The following YTHDF2 variants were observed in gnomAD, a reference collection of about 807,000 sequenced individuals.
YTHDF2 encodes YTH domain-containing family protein 2.
YTHDF2 carries 2 observed loss-of-function variants against 50.4 expected under a neutral mutation model. That is an observed-to-expected ratio of 0.04 (90% CI 0.02 to 0.12). The LOEUF (loss-of-function observed/expected upper bound fraction) is 0.12, where lower values mean the gene tolerates loss of function less well. Ranked by LOEUF, YTHDF2 falls within the 10% of genes least tolerant of loss-of-function variation. The pLI is 1.00. For synonymous variants in YTHDF2, 217 were observed against 255.6 expected (o/e 0.85, Z 1.44); for missense variants, 483 against 722.6 (o/e 0.67, Z 3.80).
At chr1:28,767,666 G>T (rs1312529544) in intron 4 of YTHDF2, among the ~76,000 whole-genome samples, 2 of 151,696 alleles carry the variant, frequency 1.3e-5, no homozygotes, top group Admixed American at 1.3e-4. Flanking sequence ...CTACCACCAC[G>T]CCTGGCTAAT....
intron 4 of YTHDF2, among the ~76,000 whole-genome samples, chr1:28,750,677 A>C (rs1236824272): frequency 6.6e-6 from 1 of 152,192 alleles, no homozygotes; most frequent in Non-Finnish European, 1.5e-5. Flanking sequence ...GGATGACAGA[A>C]GGGATTGGTG....
At chr1:28,737,734 T>C in intron 2 of YTHDF2, 52 bp downstream of exon 2, 1 of 1,584,908 alleles carries the variant, frequency 6.3e-7, no homozygotes, top group Non-Finnish European at 8.6e-7. Context: ...CGCGGGGCGG[T>C]GGGGGCGGGG....
chr1:28,750,492 A>G (rs1443942798), intron 4 of YTHDF2, among the ~76,000 whole-genome samples: 1 of 152,226 alleles, frequency 6.6e-6, no homozygotes, highest in East Asian at 1.9e-4. Context: ...GGTAGTCTGG[A>G]CTAGAGAAAC....
rs2087799775 is a variant in YTHDF2, at chr1:28,742,848, A to G, written c.578A>G (p.Lys193Arg). 4 of 1,614,148 alleles carry G rather than the reference A, an allele frequency of 2.5e-6. No homozygotes were observed. Among genetic ancestry groups the G allele is most frequent in the Non-Finnish European group, 3.4e-6 (4 of 1,180,018 alleles). The part of the protein sequence containing the change: ...NTIDQGMAAL[K>R]LGSTEVASNV... ...ATAGACCAAGGGATGGCAGCACTGA[A>G]GTTGGGTAGCACAGAAGTTGCAAGC... The change falls in exon 4 of 5, where the codon AAG becomes AGG. Residue 193 changes from lysine (K) to arginine (R), a missense_variant. Coordinates refer to ENST00000373812, the MANE Select transcript of YTHDF2 (RefSeq NM_016258.3).
At chr1:28,766,370 G>T (rs1243226514) in intron 4 of YTHDF2, among the ~76,000 whole-genome samples, 1 of 152,118 alleles carries the variant, frequency 6.6e-6, no homozygotes, top group African/African-American at 2.4e-5. Context: ...GCCAGCTTCC[G>T]CCTCCCAGAG....
Position 28,743,311 on chromosome 1 carries a change from G to A in YTHDF2, c.1041G>A (p.Gln347=). 2 of 1,614,162 alleles carry A rather than the reference G, an allele frequency of 1.2e-6. No individual in the cohort carries two copies. The highest frequency in any genetic ancestry group is 1.7e-6 in the Non-Finnish European group (2 of 1,180,038). Residue 347 remains glutamine (Q), a synonymous_variant, in exon 4 of 5, where the codon CAG becomes CAA. Transcript: ENST00000373812. This position sits in a 1 kb window ranked among gnomAD's most constrained non-coding sequence, Gnocchi z 6.9. The part of the protein sequence containing the change: ...AQLSVQQQAA[Q]PTRWVAPRNR... ...TTTCAGTCCAGCAACAGGCAGCTCAGCCAACCCGCTGGGTAGCACCTCGGA... is the reference window on the plus strand; with the variant it reads ...TTTCAGTCCAGCAACAGGCAGCTCAACCAACCCGCTGGGTAGCACCTCGGA...
intron 4 of YTHDF2, among the ~76,000 whole-genome samples, chr1:28,750,669 A>G (rs2087937579): frequency 1.3e-5 from 2 of 152,198 alleles, no homozygotes; most frequent in South Asian, 2.1e-4. Flanking sequence ...AAAGCTGTGG[A>G]TGACAGAAGG....
chr1:28,754,521 CTG>C (rs1035492908), intron 4 of YTHDF2, among the ~76,000 whole-genome samples: 21 of 143,778 alleles, frequency 1.5e-4, no homozygotes, highest in Admixed American at 1.2e-3. Context: ...AAGAGCGAGA[CTG>C]TGTCTCAAAA....
At chr1:28,747,419 A>C (rs1387314003) in intron 4 of YTHDF2, among the ~76,000 whole-genome samples, 3 of 151,670 alleles carry the variant, frequency 2.0e-5, no homozygotes, top group African/African-American at 7.3e-5. Context: ...AAAATACAAA[A>C]ATTAGCTGGG....
chr1:28,745,726 C>CG (rs1283723109), intron 4 of YTHDF2, among the ~76,000 whole-genome samples: 26 of 95,384 alleles, frequency 2.7e-4, no homozygotes, highest in South Asian at 1.0e-3. Flanking sequence ...CTCCCCCCGC[C>CG]CCCCCCCCCC....
intron 3 of YTHDF2, among the ~76,000 whole-genome samples, chr1:28,741,581 A>G (rs1343354570): frequency 6.6e-6 from 1 of 152,202 alleles, no homozygotes; most frequent in Non-Finnish European, 1.5e-5. Flanking sequence ...GGCGGGAGCC[A>G]CTGCGCCTGG....
At chr1:28,747,426 T>A (rs954962915) in intron 4 of YTHDF2, among the ~76,000 whole-genome samples, 7 of 150,418 alleles carry the variant, frequency 4.7e-5, no homozygotes, top group African/African-American at 1.7e-4. Context: ...AAAAATTAGC[T>A]GGGCATGGTG....
At chr1:28,761,106 A>ATCT (rs2088118985) in intron 4 of YTHDF2, among the ~76,000 whole-genome samples, 1 of 121,726 alleles carries the variant, frequency 8.2e-6, no homozygotes. Context: ...ATCGTGCATG[A>ATCT]GTGTGTGTGT....
intron 3 of YTHDF2, 24 bp downstream of exon 3, chr1:28,738,362 T>A: frequency 6.4e-7 from 1 of 1,568,918 alleles, no homozygotes; most frequent in East Asian, 2.2e-5. Flanking sequence ...TATTTACATA[T>A]CTAATCGAAG....
intron 1 of YTHDF2, 146 bp from the exon 2 acceptor site, chr1:28,737,512 T>G: frequency 8.9e-7 from 1 of 1,126,288 alleles, no homozygotes; most frequent in Non-Finnish European, 1.2e-6. Flanking sequence ...GCCTCCCATT[T>G]TCAGCCTCTT....
intron 4 of YTHDF2, among the ~76,000 whole-genome samples, chr1:28,747,824 T>C (rs2087888101): frequency 6.6e-6 from 1 of 151,638 alleles, no homozygotes; most frequent in African/African-American, 2.4e-5. Flanking sequence ...GTTTACTCTC[T>C]TGTAAGAACT....
At chr1:28,768,344 TGTA>T (rs2088252020) in intron 4 of YTHDF2, among the ~76,000 whole-genome samples, 1 of 151,820 alleles carries the variant, frequency 6.6e-6, no homozygotes, top group Non-Finnish European at 1.5e-5. Context: ...ACATAAGTAT[TGTA>T]GTCAGATTAC....
Position 28,761,630 on chromosome 1 carries a change from A to G in YTHDF2, c.1717-7299A>G, listed in dbSNP as rs897988630. ...CGCACGCATGTAATCCCAGCTACTC[A>G]GGAGGCTGAGGCAGAAGAATCGCTT... is the stretch of plus-strand genomic sequence containing the variant. On this transcript the variant is annotated intron_variant, in intron 4 of 4. Coordinates refer to ENST00000373812, the MANE Select transcript of YTHDF2 (RefSeq NM_016258.3). Among the ~76,000 whole-genome samples the G allele has an allele frequency of 3.3e-5, 5 of 152,200 alleles. No individual in the cohort carries two copies. The East Asian group carries it at 9.7e-4, about 29-fold the overall frequency.
chr1:28,750,331 C>CT (rs2087932232), intron 4 of YTHDF2, among the ~76,000 whole-genome samples: 1 of 151,968 alleles, frequency 6.6e-6, no homozygotes, highest in South Asian at 2.1e-4. Context: ...AAAGACAAAG[C>CT]TAGAACGAAT....
Sources: allele counts gnomAD v4.1 joint callset (sites outside exome capture counted in the v4.1 genomes callset), GRCh38; gene constraint gnomAD v4.1.1; non-coding constraint Gnocchi (gnomAD v3.1); transcripts MANE v1.5; gene names NCBI Gene and HGNC (gene_info 2026-07-23, HGNC 2026-07-21).